Variants in GNA14 observed in about 807,000 individuals in gnomAD.
GNA14 encodes the protein guanine nucleotide-binding protein subunit alpha-14.
GNA14 carries 50 observed loss-of-function variants against 42.0 expected under a neutral mutation model. The observed-to-expected ratio is 1.19, with a 90% CI of 0.95 to 1.51. The LOEUF (loss-of-function observed/expected upper bound fraction) is 1.51. Among genes scored for constraint, GNA14 ranks in the 40% most tolerant of loss-of-function variants. The pLI, the probability that GNA14 is intolerant of heterozygous loss-of-function variation, is 0.00. For synonymous variants in GNA14, 173 were observed against 163.1 expected (o/e 1.06, Z -0.46); for missense variants, 473 against 446.2 (o/e 1.06, Z -0.54).
At chr9:77,641,029 G>C (rs919680907) in intron 1 of GNA14, among the ~76,000 whole-genome samples, 9 of 136,988 alleles carry the variant, frequency 6.6e-5, no homozygotes, top group Non-Finnish European at 1.1e-4. Flanking sequence ...AAAAAACCTA[G>C]GTATTCACGA....
chr9:77,485,372 A>T (rs1262700716), intron 2 of GNA14, among the ~76,000 whole-genome samples: 1 of 152,186 alleles, frequency 6.6e-6, no homozygotes, highest in Non-Finnish European at 1.5e-5. Context: ...TTCTAATTCC[A>T]GTTCTCTTAT....
chr9:77,458,908 G>T (rs111758213), intron 2 of GNA14, among the ~76,000 whole-genome samples: 2 of 147,488 alleles, frequency 1.4e-5, no homozygotes, highest in East Asian at 1.9e-4. Context: ...AGCTGGAGGG[G>T]GGGGGGTTGT....
At chr9:77,511,384 A>G (rs1265458616) in intron 2 of GNA14, among the ~76,000 whole-genome samples, 11 of 152,166 alleles carry the variant, frequency 7.2e-5, no homozygotes, top group Non-Finnish European at 1.5e-4. Flanking sequence ...TCTGCTCCCT[A>G]TGGGTCCCAT....
At chr9:77,505,877 G>A (rs1198666209) in intron 2 of GNA14, among the ~76,000 whole-genome samples, 1 of 152,104 alleles carries the variant, frequency 6.6e-6, no homozygotes, top group South Asian at 2.1e-4. Flanking sequence ...TTGGCAGGGG[G>A]CCTTGGGTGA....
intron 3 of GNA14, among the ~76,000 whole-genome samples, chr9:77,433,271 C>T (rs555817120): frequency 6.6e-6 from 1 of 152,202 alleles, no homozygotes; most frequent in African/African-American, 2.4e-5. Context: ...TGTGAAAGAG[C>T]TGAGCTGCAG....
intron 1 of GNA14, among the ~76,000 whole-genome samples, chr9:77,622,612 C>CA (rs1323646877): frequency 6.6e-6 from 1 of 151,368 alleles, no homozygotes; most frequent in East Asian, 2.0e-4. Flanking sequence ...ACTAAAAATA[C>CA]AAAAACATTC....
intron 2 of GNA14, among the ~76,000 whole-genome samples, chr9:77,481,317 A>C (rs1298575367): frequency 1.3e-5 from 2 of 152,102 alleles, no homozygotes; most frequent in African/African-American, 4.8e-5. Context: ...TCCAGTAGTC[A>C]CTCAGGAGCA....
At chr9:77,476,935 A>G (rs935499361) in intron 2 of GNA14, among the ~76,000 whole-genome samples, 3 of 152,192 alleles carry the variant, frequency 2.0e-5, no homozygotes, top group Non-Finnish European at 4.4e-5. Context: ...TCAGGGAAAG[A>G]CTGCATGAGT....
At chr9:77,599,748 T>C (rs553855018) in intron 1 of GNA14, among the ~76,000 whole-genome samples, 12 of 152,202 alleles carry the variant, frequency 7.9e-5, no homozygotes, top group Non-Finnish European at 1.8e-4. Context: ...CTTCAATCTA[T>C]GGCATTTCTC....
intron 1 of GNA14, among the ~76,000 whole-genome samples, chr9:77,584,386 G>A (rs190069817): frequency 6.6e-6 from 1 of 152,270 alleles, no homozygotes; most frequent in East Asian, 1.9e-4. Flanking sequence ...TACTGATGGG[G>A]TGTGCAATCA....
intron 1 of GNA14, among the ~76,000 whole-genome samples, chr9:77,581,214 A>T (rs1471784696): frequency 6.6e-6 from 1 of 152,208 alleles, no homozygotes; most frequent in African/African-American, 2.4e-5. Flanking sequence ...AACCTTAGTT[A>T]TGTGCTAGGC....
chr9:77,586,497 C>T (rs1019159490), intron 1 of GNA14, among the ~76,000 whole-genome samples: 1 of 152,082 alleles, frequency 6.6e-6, no homozygotes, highest in African/African-American at 2.4e-5. Flanking sequence ...GGTAAATACC[C>T]GAGGTTTGTT....
intron 1 of GNA14, among the ~76,000 whole-genome samples, chr9:77,548,146 C>T (rs973273150): frequency 3.3e-5 from 5 of 152,202 alleles, no homozygotes; most frequent in African/African-American, 1.2e-4. Flanking sequence ...GAAACACATC[C>T]TCTCACGGAG....
intron 2 of GNA14, among the ~76,000 whole-genome samples, chr9:77,516,337 C>T (rs1837257372): frequency 6.6e-6 from 1 of 152,186 alleles, no homozygotes. Flanking sequence ...TATTATTTGG[C>T]ATTATCAGTC....
intron 2 of GNA14, among the ~76,000 whole-genome samples, chr9:77,465,973 A>G (rs138968059): frequency 6.6e-6 from 1 of 152,262 alleles, no homozygotes; most frequent in African/African-American, 2.4e-5. Context: ...GAATTCTGCT[A>G]TTAATTTGAT....
chr9:77,427,459 G>C (rs4745633), intron 5 of GNA14, among the ~76,000 whole-genome samples: 88,158 of 151,626 alleles, frequency 0.58, 25,769 homozygotes, highest in Admixed American at 0.66. Flanking sequence ...AGAGAAAAGT[G>C]TGCTCTCAAG....
intron 1 of GNA14, among the ~76,000 whole-genome samples, chr9:77,592,070 A>G (rs1330143944): frequency 6.6e-6 from 1 of 151,686 alleles, no homozygotes; most frequent in African/African-American, 2.4e-5. Flanking sequence ...GCCCACCACC[A>G]TGCTCGGCTA....
At chr9:77,495,417 T>G (rs10781441) in intron 2 of GNA14, among the ~76,000 whole-genome samples, 96,586 of 151,942 alleles carry the variant, frequency 0.64, 32,195 homozygotes, top group East Asian at 0.84. Flanking sequence ...ACATGTTGAA[T>G]ATGGGCAGAC....
At chr9:77,641,117 GAA>G (rs1824259722) in intron 1 of GNA14, among the ~76,000 whole-genome samples, 1 of 29,682 alleles carries the variant, frequency 3.4e-5, no homozygotes, top group Non-Finnish European at 6.4e-5. Flanking sequence ...AGGAAGGAAG[GAA>G]GGAAGGAAGG....
Sources: gnomAD v4.1 joint callset for allele counts (sites outside exome capture counted in the v4.1 genomes callset) on GRCh38, gnomAD v4.1.1 for gene constraint, MANE v1.5 for transcripts, NCBI Gene and HGNC (gene_info 2026-07-23, HGNC 2026-07-21) for gene names.